DNAI2: variants seen among roughly 807,000 people sequenced by gnomAD.
The protein encoded by DNAI2 is dynein, axonemal, intermediate polypeptide 2.
A neutral mutation model predicts 74.7 loss-of-function variants in DNAI2; 63 were observed. The observed-to-expected ratio is 0.84, with a 90% CI of 0.69 to 1.04. The LOEUF (loss-of-function observed/expected upper bound fraction) is 1.04, where lower values mean the gene tolerates loss of function less well. Ranked by LOEUF, DNAI2 falls within the 50% of genes least tolerant of loss-of-function variation. The pLI is 0.00. For missense variants in DNAI2, 688 were observed against 803.2 expected (o/e 0.86, Z 1.73); for synonymous variants, 289 against 314.9 (o/e 0.92, Z 0.87).
At chr17:74,302,366 G>A (rs895812221) in intron 8 of DNAI2, among the ~76,000 whole-genome samples, 13 of 152,144 alleles carry the variant, frequency 8.5e-5, no homozygotes, top group Non-Finnish European at 1.5e-4. Context: ...TTGGGAGTTC[G>A]AGGCCAGCCT....
At chr17:74,278,421 C>A (rs1285926240) in intron 1 of DNAI2, among the ~76,000 whole-genome samples, 1 of 152,136 alleles carries the variant, frequency 6.6e-6, no homozygotes, top group African/African-American at 2.4e-5. Flanking sequence ...CAGAGCAAGA[C>A]ACTGTCTCAT....
chr17:74,291,729 G>A (rs1165723796), intron 6 of DNAI2, among the ~76,000 whole-genome samples: 1 of 152,234 alleles, frequency 6.6e-6, no homozygotes, highest in Admixed American at 6.5e-5. Context: ...GCCATAAAGG[G>A]ATGATGAGAG....
In DNAI2 at chr17:74,305,399, A is replaced by G. The variant is rs756053540; in HGVS notation, c.1168A>G (p.Ile390Val). The G allele has an allele frequency of 2.0e-5, 33 of 1,614,054 alleles. No individual in the cohort carries two copies. The highest frequency in any genetic ancestry group is 5.0e-5 in the Admixed American group (3 of 60,002). ...FLTVGDWTAR[I>V]WSEDSRESSI... Reference sequence around the variant, plus strand: ...GACGGTTGGCGACTGGACAGCCCGCATTTGGTCTGAAGACAGCCGGGAATC... The same window carrying G: ...GACGGTTGGCGACTGGACAGCCCGCGTTTGGTCTGAAGACAGCCGGGAATC... Residue 390 changes from isoleucine (I) to valine (V), a missense_variant, in exon 9 of 14, where the codon ATT becomes GTT. Coordinates refer to ENST00000311014, the MANE Select transcript of DNAI2 (RefSeq NM_023036.6).
intron 1 of DNAI2, among the ~76,000 whole-genome samples, chr17:74,275,600 G>T (rs558952142): frequency 1.3e-5 from 2 of 152,072 alleles, no homozygotes; most frequent in Non-Finnish European, 1.5e-5. Flanking sequence ...AGTGGCTCAC[G>T]CCTGTAGTCC....
intron 8 of DNAI2, among the ~76,000 whole-genome samples, chr17:74,304,021 C>T (rs2053021422): frequency 6.6e-6 from 1 of 151,518 alleles, no homozygotes; most frequent in African/African-American, 2.4e-5. Context: ...ACGTGGGAGG[C>T]TGAGGTGGGA....
intron 10 of DNAI2, 41 bp from the exon 11 acceptor site, chr17:74,309,975 CT>C: frequency 6.7e-7 from 1 of 1,496,898 alleles, no homozygotes; most frequent in Non-Finnish European, 9.0e-7. Flanking sequence ...CATAACTTTG[CT>C]CCTCTCTCCT....
In DNAI2 at chr17:74,279,102, G is replaced by A. The variant is rs193201629; in HGVS notation, c.-11-2705G>A. On this transcript the variant is annotated intron_variant, in intron 1 of 13. Coordinates refer to ENST00000311014, the MANE Select transcript of DNAI2 (RefSeq NM_023036.6). ...GAATGGCGTGAACCCGGGAGGCGGA[G>A]CTTGCAGTGAGCTGAGATCGTGCCA... Among the ~76,000 whole-genome samples the A allele has an allele frequency of 5.0e-3, 756 of 152,292 alleles. 5 individuals carry two copies. The highest frequency in any genetic ancestry group is 0.017 in the African/African-American group (692 of 41,578).
intron 9 of DNAI2, among the ~76,000 whole-genome samples, chr17:74,308,547 G>T (rs867902623): frequency 1.4e-4 from 21 of 151,970 alleles, no homozygotes; most frequent in Non-Finnish European, 2.5e-4. Flanking sequence ...TTTGAGACAG[G>T]GTCTCACTAC....
At chr17:74,276,430 G>A (rs1234896734) in intron 1 of DNAI2, among the ~76,000 whole-genome samples, 2 of 152,090 alleles carry the variant, frequency 1.3e-5, no homozygotes, top group Non-Finnish European at 2.9e-5. Context: ...TCCCGTCCCC[G>A]CTCTGTCACC....
intron 4 of DNAI2, among the ~76,000 whole-genome samples, chr17:74,287,623 G>A (rs2143926445): frequency 6.6e-6 from 1 of 152,252 alleles, no homozygotes; most frequent in Non-Finnish European, 1.5e-5. Context: ...TAGCAGTTCT[G>A]GCACACCCAC....
At chr17:74,308,624 C>T (rs1312988546) in intron 9 of DNAI2, among the ~76,000 whole-genome samples, 5 of 152,108 alleles carry the variant, frequency 3.3e-5, no homozygotes, top group Non-Finnish European at 7.4e-5. Context: ...TGGGCTCAAG[C>T]GATCCTCCCA....
rs199932162 is a variant in DNAI2 at position 74,294,203 on chromosome 17, TC to T, written c.724+3072del. Among the ~76,000 whole-genome samples the T allele has an allele frequency of 1.0e-3, 157 of 152,306 alleles. 3 individuals carry two copies. In the East Asian group the frequency reaches 0.018, roughly 17 times the overall value. On this transcript the variant is annotated intron_variant, in intron 6 of 13. Coordinates refer to ENST00000311014, the MANE Select transcript of DNAI2 (RefSeq NM_023036.6). ...TTACATCTGCCATTTTGCTTTTTTTTCCTATATGTCTTACATCTTTTTGTTC... is the reference window on the plus strand; with the variant it reads ...TTACATCTGCCATTTTGCTTTTTTTTCTATATGTCTTACATCTTTTTGTTC...
Position 74,295,388 on chromosome 17 carries a change from C to T in DNAI2, c.724+4255C>T, listed in dbSNP as rs548055686. On this transcript the variant is annotated intron_variant, in intron 6 of 13. Transcript: ENST00000311014. Reference sequence around the variant, plus strand: ...CTGCACTCCAGGCTGGGCAACAAAGCGAAACTCTGTCTTCAAAAATAATAA... The same window carrying T: ...CTGCACTCCAGGCTGGGCAACAAAGTGAAACTCTGTCTTCAAAAATAATAA... Among the ~76,000 whole-genome samples, 15 of 152,230 alleles carry T rather than the reference C, an allele frequency of 9.9e-5. 1 individual carries two copies. Among genetic ancestry groups the T allele is most frequent in the Non-Finnish European group, 1.6e-4 (11 of 68,010 alleles).
At chr17:74,310,314 T>C (rs2053448480) in intron 11 of DNAI2, 151 bp downstream of exon 11, 2 of 1,182,446 alleles carry the variant, frequency 1.7e-6, no homozygotes, top group Non-Finnish European at 1.2e-6. Context: ...GCTCCATAAA[T>C]AGGTGTTGGT....
intron 1 of DNAI2, among the ~76,000 whole-genome samples, chr17:74,279,119 A>T (rs530746620): frequency 6.6e-6 from 1 of 152,110 alleles, no homozygotes; most frequent in East Asian, 1.9e-4. Flanking sequence ...GTGAGCTGAG[A>T]TCGTGCCACT....
chr17:74,299,000 A>G (rs2052602555), intron 6 of DNAI2, among the ~76,000 whole-genome samples: 1 of 152,192 alleles, frequency 6.6e-6, no homozygotes, highest in African/African-American at 2.4e-5. Flanking sequence ...GAGAAATACT[A>G]AGTCAAAGCT....
rs181911729 is a variant in DNAI2 at position 74,303,892 on chromosome 17, G to T, written c.988-1327G>T. On this transcript the variant is annotated intron_variant, in intron 8 of 13. Coordinates refer to ENST00000311014, the MANE Select transcript of DNAI2 (RefSeq NM_023036.6). ...TGTAATCCCAGCACTTTGGGAAGCC[G>T]ATGTGTGCAGATCACTTGAGCTTAG... Among the ~76,000 whole-genome samples, 170 of 152,194 alleles carry T rather than the reference G, an allele frequency of 1.1e-3. 1 individual carries two copies. Among genetic ancestry groups the T allele is most frequent in the African/African-American group, 3.7e-3 (155 of 41,526 alleles).
At chr17:74,289,808 G>C in intron 5 of DNAI2, 72 bp downstream of exon 5, 1 of 1,600,542 alleles carries the variant, frequency 6.2e-7, no homozygotes, top group Non-Finnish European at 8.5e-7. Context: ...AGGAGCGGGA[G>C]GGAGGGGCAG....
At chr17:74,314,431 G>A (rs1027098235) in intron 13 of DNAI2, among the ~76,000 whole-genome samples, 158 bp from the exon 14 acceptor site, 7 of 152,200 alleles carry the variant, frequency 4.6e-5, no homozygotes, top group Admixed American at 3.9e-4. Context: ...TGGAGAGAGG[G>A]AAGGGGCGGG....
Sources: gnomAD v4.1 joint callset for allele counts (sites outside exome capture counted in the v4.1 genomes callset) on GRCh38, gnomAD v4.1.1 for gene constraint, MANE v1.5 for transcripts, NCBI Gene and HGNC (gene_info 2026-07-23, HGNC 2026-07-21) for gene names.